Variants in ENOSF1 observed in about 807,000 individuals in gnomAD.
ENOSF1 encodes enolase superfamily member 1, also known as mitochondrial enolase superfamily member 1.
A neutral mutation model predicts 68.2 loss-of-function variants in ENOSF1; 73 were observed. The ratio of observed to expected loss-of-function variants is 1.07; its 90% CI spans 0.89 to 1.30. ENOSF1 has a LOEUF of 1.30. Among genes scored for constraint, ENOSF1 ranks in the 50% most tolerant of loss-of-function variants. The probability of loss-of-function intolerance (pLI) is 0.00; values close to 1 mark genes in which losing one functional copy is unlikely to be tolerated. For synonymous variants in ENOSF1, 223 were observed against 210.4 expected (o/e 1.06, Z -0.52); for missense variants, 589 against 554.5 (o/e 1.06, Z -0.62).
chr18:679,486 G>A (rs1256899339), intron 11 of ENOSF1, among the ~76,000 whole-genome samples: 3 of 151,788 alleles, frequency 2.0e-5, no homozygotes, highest in Non-Finnish European at 4.4e-5. Flanking sequence ...TGGGATTACA[G>A]GTGTGAGCCA....
rs142996189 is a variant in ENOSF1, at chr18:701,939, G to GATAAATAAATAAATAA, written c.193+4515_193+4530dup. Among the ~76,000 whole-genome samples, 262 of 148,172 alleles carry GATAAATAAATAAATAA rather than the reference G, an allele frequency of 1.8e-3. 2 individuals carry two copies. Among genetic ancestry groups the GATAAATAAATAAATAA allele is most frequent in the African/African-American group, 6.1e-3 (245 of 39,994 alleles). On this transcript the variant is annotated intron_variant, in intron 2 of 15. Coordinates refer to ENST00000647584, the MANE Select transcript of ENOSF1 (RefSeq NM_017512.7). ...TATCTCAAAAATAAATAAATACATA[G>GATAAATAAATAAATAA]ATAAATAAATAAATAAATAAATAAA...
At chr18:709,422 G>C (rs2079275477) in intron 1 of ENOSF1, among the ~76,000 whole-genome samples, 1 of 152,186 alleles carries the variant, frequency 6.6e-6, no homozygotes, top group Non-Finnish European at 1.5e-5. Flanking sequence ...ACAGCTGAAG[G>C]AGAAATAACA....
At position 670,754 on chromosome 18, in the gene ENOSF1, G is replaced by C; in HGVS notation, c.*3551C>G. On this transcript the variant is annotated 3_prime_UTR_variant, in exon 16 of 16. Transcript: ENST00000647584. Reference sequence around the variant, plus strand: ...CTGCCAGTTCTATGTGGTGAACAGTGAGCTGTCCTGCCAGCTGTACCAGAG... The same window carrying C: ...CTGCCAGTTCTATGTGGTGAACAGTCAGCTGTCCTGCCAGCTGTACCAGAG... The C allele has an allele frequency of 1.2e-6, 2 of 1,614,148 alleles. No homozygotes were observed. The highest frequency in any genetic ancestry group is 1.7e-6 in the Non-Finnish European group (2 of 1,180,034).
At chr18:670,045 A>C (rs973604611), downstream of ENOSF1, among the ~76,000 whole-genome samples, 1 of 138,572 alleles carries the variant, frequency 7.2e-6, no homozygotes, top group South Asian at 2.3e-4. Context: ...ATAGAGACTT[A>C]TTTTTTTTTT....
At chr18:677,233 T>C in intron 14 of ENOSF1, 112 bp downstream of exon 14, 1 of 846,628 alleles carries the variant, frequency 1.2e-6, no homozygotes, top group South Asian at 1.6e-5. Context: ...TTATAGGACA[T>C]GCCAGCGGAC....
At chr18:678,300 G>A (rs758633505) in intron 12 of ENOSF1, 5 of 310,574 alleles carry the variant, frequency 1.6e-5, no homozygotes, top group South Asian at 4.3e-5. Context: ...TGCTCTGCTC[G>A]TGGGCTGACT....
At chr18:690,708 T>C (rs1395998349) in intron 7 of ENOSF1, 77 bp from the exon 8 acceptor site, 1 of 1,592,512 alleles carries the variant, frequency 6.3e-7, no homozygotes. Flanking sequence ...AGCTAAGCTG[T>C]TTCCCCTGGA....
intron 5 of ENOSF1, 116 bp from the exon 6 acceptor site, chr18:691,392 C>A (rs957629999): frequency 8.4e-6 from 7 of 833,554 alleles, no homozygotes; most frequent in African/African-American, 3.4e-5. Flanking sequence ...GTTGCCCAGG[C>A]TGGAGTGCAG....
At chr18:676,914 T>C (rs901899062) in intron 14 of ENOSF1, among the ~76,000 whole-genome samples, 1 of 152,228 alleles carries the variant, frequency 6.6e-6, no homozygotes, top group Non-Finnish European at 1.5e-5. Flanking sequence ...AGCAAAACCC[T>C]ACGTGTGCAG....
intron 12 of ENOSF1, 34 bp from the exon 13 acceptor site, chr18:677,906 G>A (rs1424106387): frequency 6.2e-7 from 1 of 1,602,098 alleles, no homozygotes; most frequent in East Asian, 2.2e-5. Context: ...ACCAACAGAA[G>A]AGTCAGCCTT....
intron 3 of ENOSF1, among the ~76,000 whole-genome samples, chr18:696,204 C>CTTT (rs368856668): frequency 0.027 from 3,208 of 118,668 alleles, 214 homozygotes; most frequent in African/African-American, 0.082. Context: ...ACATCTCTCT[C>CTTT]TTTTTTTTTT....
At chr18:707,861 T>C (rs1337996660) in intron 1 of ENOSF1, among the ~76,000 whole-genome samples, 2 of 151,906 alleles carry the variant, frequency 1.3e-5, no homozygotes, top group South Asian at 4.2e-4. Context: ...TTTATTATTA[T>C]TATTATTATT....
chr18:704,675 G>A (rs893322403), intron 2 of ENOSF1, among the ~76,000 whole-genome samples: 3 of 145,452 alleles, frequency 2.1e-5, no homozygotes, highest in Non-Finnish European at 4.5e-5. Context: ...GCGCAATCTC[G>A]GCTCACTGCA....
intron 1 of ENOSF1, chr18:712,279 T>C: frequency 4.6e-6 from 7 of 1,530,504 alleles, no homozygotes; most frequent in East Asian, 2.5e-5. Flanking sequence ...AAGCAATGGG[T>C]TCGAAGTCGG....
chr18:706,529 G>A lies in ENOSF1; in HGVS notation c.134C>T (p.Ala45Val). ...TCCACACCCCTTGATTCCATCTTCT[G>A]CATCAGTTTCTATGACGACATAGGC... is the stretch of plus-strand genomic sequence containing the variant. The part of the protein sequence containing the change: ...SAAYVVIETD[A>V]EDGIKGCGIT... The change falls in exon 2 of 16, where the codon GCA becomes GTA. Residue 45 changes from alanine (A) to valine (V), a missense_variant. Physicochemically the swap from Ala to Val is moderately conservative, Grantham distance 64. Transcript: ENST00000647584. 2 of 1,613,848 alleles carry A rather than the reference G, an allele frequency of 1.2e-6. No homozygotes were observed. The highest frequency in any genetic ancestry group is 1.3e-5 in the African/African-American group (1 of 74,960).
rs1000910651 is a variant in ENOSF1, at chr18:671,014, T to C, written c.*3291A>G. Reference sequence around the variant, plus strand: ...GTAAGAAATGAACCAGCTTTTACTTTGAAACCTTCCTCTTCTGGAAGGTTT... The same window carrying C: ...GTAAGAAATGAACCAGCTTTTACTTCGAAACCTTCCTCTTCTGGAAGGTTT... On this transcript the variant is annotated 3_prime_UTR_variant, in exon 16 of 16. Transcript: ENST00000647584. 5.0e-6 allele frequency: 5 copies of C among 992,814 alleles called. No homozygotes were observed. The highest frequency in any genetic ancestry group is 6.5e-4 in the Middle Eastern group (2 of 3,056). The allele number at this position is 992,814 out of a possible 1,614,324, so 61.5% of individuals were successfully genotyped here. A position where few individuals can be genotyped will look rare whatever the true frequency, so the allele number is the denominator to read the frequency against.
intron 4 of ENOSF1, 40 bp downstream of exon 4, chr18:694,208 A>C: frequency 1.3e-6 from 2 of 1,590,142 alleles, no homozygotes; most frequent in Non-Finnish European, 1.7e-6. Context: ...AGTGTCGTAC[A>C]GCTCCCAGGA....
intron 7 of ENOSF1, 127 bp downstream of exon 7, chr18:690,941 T>C (rs2077094084): frequency 1.6e-5 from 20 of 1,238,160 alleles, no homozygotes; most frequent in Admixed American, 1.3e-4. Flanking sequence ...GACTTGAATG[T>C]TGATTTGAGG....
intron 2 of ENOSF1, among the ~76,000 whole-genome samples, chr18:705,004 G>C (rs1242455912): frequency 6.6e-6 from 1 of 152,194 alleles, no homozygotes; most frequent in Non-Finnish European, 1.5e-5. Flanking sequence ...CGCCAGCCCT[G>C]TGAAGAGCAG....
Sources: gnomAD v4.1 joint callset for allele counts (sites outside exome capture counted in the v4.1 genomes callset) on GRCh38, gnomAD v4.1.1 for gene constraint, MANE v1.5 for transcripts, NCBI Gene and HGNC (gene_info 2026-07-23, HGNC 2026-07-21) for gene names.